DLGAP2: variants seen among roughly 807,000 people sequenced by gnomAD.
DLGAP2 encodes DLG associated protein 2.
In DLGAP2, 26 loss-of-function variants were observed where a neutral mutation model predicts 100.3. The observed-to-expected ratio is 0.26, with a 90% CI of 0.19 to 0.36. The LOEUF (loss-of-function observed/expected upper bound fraction) is 0.36. Among genes scored for constraint, DLGAP2 ranks in the 10% least tolerant of loss-of-function variants. The pLI is 1.00. For synonymous variants in DLGAP2, 886 were observed against 630.1 expected (o/e 1.41, Z -6.08); for missense variants, 1,858 against 1,453.2 (o/e 1.28, Z -4.53).
At chr8:1,637,156 G>T (rs77552639) in intron 8 of DLGAP2, among the ~76,000 whole-genome samples, 2 of 152,122 alleles carry the variant, frequency 1.3e-5, no homozygotes, top group Non-Finnish European at 2.9e-5. Flanking sequence ...ACCTCTGACC[G>T]GGCCCTTCAC....
chr8:1,306,666 A>G (rs991775295), intron 3 of DLGAP2, among the ~76,000 whole-genome samples: 7 of 80,954 alleles, frequency 8.6e-5, no homozygotes, highest in African/African-American at 6.3e-4. Context: ...GATAAGCAAA[A>G]TAGTGTGGTT....
At chr8:1,544,266 G>A (rs534900039) in intron 4 of DLGAP2, among the ~76,000 whole-genome samples, 1 of 152,260 alleles carries the variant, frequency 6.6e-6, no homozygotes, top group South Asian at 2.1e-4. Context: ...ATTTTAAGTG[G>A]AATTGCTTTT....
At chr8:834,596 A>G (rs1796838865) in intron 1 of DLGAP2, among the ~76,000 whole-genome samples, 1 of 152,084 alleles carries the variant, frequency 6.6e-6, no homozygotes, top group East Asian at 1.9e-4. Context: ...CCTTTAAAAC[A>G]CTCTGTCTTC....
At chr8:1,277,824 C>G (rs1033562717) in intron 3 of DLGAP2, among the ~76,000 whole-genome samples, 13 of 152,160 alleles carry the variant, frequency 8.5e-5, no homozygotes, top group Non-Finnish European at 7.3e-5. Context: ...GGGTCCAACT[C>G]CCCACTATTT....
At chr8:1,192,140 G>A (rs1030375669) in intron 2 of DLGAP2, among the ~76,000 whole-genome samples, 12 of 152,150 alleles carry the variant, frequency 7.9e-5, no homozygotes, top group Admixed American at 6.5e-5. Flanking sequence ...GATGAAACTG[G>A]CTGCCGTGAT....
chr8:1,544,192 T>A, intron 4 of DLGAP2, among the ~76,000 whole-genome samples: 1 of 152,182 alleles, frequency 6.6e-6, no homozygotes, highest in African/African-American at 2.4e-5. Context: ...TGTGAGTGAC[T>A]GCGTCTGGCC....
intron 2 of DLGAP2, among the ~76,000 whole-genome samples, chr8:1,218,962 T>A (rs1158096672): frequency 6.6e-6 from 1 of 152,208 alleles, no homozygotes; most frequent in Non-Finnish European, 1.5e-5. Flanking sequence ...TATTAATTTT[T>A]GTACACTGAG....
At chr8:1,268,572 G>A (rs1799514240) in intron 3 of DLGAP2, among the ~76,000 whole-genome samples, 1 of 152,142 alleles carries the variant, frequency 6.6e-6, no homozygotes, top group African/African-American at 2.4e-5. Context: ...AGCATAAAAT[G>A]CCCCCAATTT....
rs769761961 is a variant in DLGAP2 at position 1,669,766 on chromosome 8, G to A, written c.2184G>A (p.Gln728=). ...AGGATTCTGAATTCCCAGAGCATCAGCCATACCCAAGGTCAGATGTAAGTA... is the reference window on the plus strand; with the variant it reads ...AGGATTCTGAATTCCCAGAGCATCAACCATACCCAAGGTCAGATGTAAGTA... ...GIQDSEFPEH[Q]PYPRSDVETA... The change falls in exon 10 of 15, where the codon CAG becomes CAA. Residue 728 remains glutamine (Q), a synonymous_variant. Transcript: ENST00000637795. The A allele has an allele frequency of 7.6e-5, 59 of 780,802 alleles. 1 individual carries two copies. The highest frequency in any genetic ancestry group is 7.1e-4 in the South Asian group (53 of 74,634). 48.4% of individuals were successfully genotyped at this position (780,802 alleles called of 1,614,324 possible).
At chr8:1,494,681 T>C (rs1160308125) in intron 3 of DLGAP2, among the ~76,000 whole-genome samples, 1 of 151,944 alleles carries the variant, frequency 6.6e-6, no homozygotes, top group East Asian at 1.9e-4. Flanking sequence ...TGAGCTGAGA[T>C]TGTGCCATTG....
intron 5 of DLGAP2, among the ~76,000 whole-genome samples, chr8:1,552,679 T>G (rs79791695): frequency 0.059 from 9,002 of 152,312 alleles, 862 homozygotes; most frequent in African/African-American, 0.2. Context: ...AGTGTACGGA[T>G]AAGATTTAAA....
chr8:855,098 T>C (rs938462395), intron 1 of DLGAP2, among the ~76,000 whole-genome samples: 1 of 151,912 alleles, frequency 6.6e-6, no homozygotes, highest in East Asian at 1.9e-4. Flanking sequence ...GGTCCTTGAG[T>C]CTGGGATGTG....
chr8:1,363,514 G>A (rs1228055179), intron 3 of DLGAP2, among the ~76,000 whole-genome samples: 1 of 152,218 alleles, frequency 6.6e-6, no homozygotes, highest in Admixed American at 6.5e-5. Flanking sequence ...CCTGGCAGGA[G>A]CTCAGGGCAC....
intron 3 of DLGAP2, among the ~76,000 whole-genome samples, chr8:1,416,819 C>T (rs1206590385): frequency 6.6e-6 from 1 of 152,222 alleles, no homozygotes; most frequent in East Asian, 1.9e-4. Context: ...GCCTCCTTTT[C>T]TGTCTCTCCT....
chr8:1,204,890 G>A (rs546015949), intron 2 of DLGAP2, among the ~76,000 whole-genome samples: 2 of 152,208 alleles, frequency 1.3e-5, no homozygotes, highest in Non-Finnish European at 2.9e-5. Context: ...GCCTGGACTT[G>A]GTCCCAGAGC....
At chr8:906,130 C>T (rs143681443) in intron 1 of DLGAP2, among the ~76,000 whole-genome samples, 72 of 152,368 alleles carry the variant, frequency 4.7e-4, no homozygotes, top group African/African-American at 1.6e-3. Flanking sequence ...TTAGGAGCAG[C>T]ACCCAGCAGA....
At chr8:1,284,458 G>A (rs954535175) in intron 3 of DLGAP2, among the ~76,000 whole-genome samples, 21 of 152,208 alleles carry the variant, frequency 1.4e-4, no homozygotes, top group African/African-American at 1.7e-4. Context: ...GGGCTCCAGC[G>A]CTAACGTAAA....
chr8:1,571,469 T>G (rs1167649264), intron 6 of DLGAP2, among the ~76,000 whole-genome samples: 19 of 61,198 alleles, frequency 3.1e-4, no homozygotes, highest in Admixed American at 7.5e-4. Context: ...GGGTGAACTG[T>G]GGGGTGTCTG....
At chr8:787,009 CTCTT>C (rs1164653068) in intron 1 of DLGAP2, among the ~76,000 whole-genome samples, 1 of 152,170 alleles carries the variant, frequency 6.6e-6, no homozygotes, top group Non-Finnish European at 1.5e-5. Flanking sequence ...CAAGACCTTT[CTCTT>C]TCTTTTTCTT....
Sources: allele counts gnomAD v4.1 joint callset (sites outside exome capture counted in the v4.1 genomes callset), GRCh38; gene constraint gnomAD v4.1.1; transcripts MANE v1.5; gene names NCBI Gene and HGNC (gene_info 2026-07-23, HGNC 2026-07-21).